The following KIAA1217 variants were observed in gnomAD, a reference collection of about 807,000 sequenced individuals.
KIAA1217 encodes the protein KIAA1217.
A neutral mutation model predicts 163.9 loss-of-function variants in KIAA1217; 88 were observed. That is an observed-to-expected ratio of 0.54 (90% CI 0.45 to 0.64). KIAA1217 has a LOEUF of 0.64. Among genes scored for constraint, KIAA1217 ranks in the 30% least tolerant of loss-of-function variants. The pLI is 0.00. For missense variants in KIAA1217, 2,372 were observed against 2,475.0 expected (o/e 0.96, Z 0.88); for synonymous variants, 903 against 923.1 (o/e 0.98, Z 0.39).
chr10:23,941,975 A>G (rs1175389920), intron 1 of KIAA1217, among the ~76,000 whole-genome samples: 1 of 146,458 alleles, frequency 6.8e-6, no homozygotes, highest in Non-Finnish European at 1.5e-5. Flanking sequence ...CCAATAATTC[A>G]ACTGCCTGCT....
At chr10:24,243,631 C>T (rs1258304909) in intron 2 of KIAA1217, among the ~76,000 whole-genome samples, 2 of 146,122 alleles carry the variant, frequency 1.4e-5, no homozygotes, top group East Asian at 4.1e-4. Flanking sequence ...AGAATATTCA[C>T]ATATATACAG....
At chr10:23,957,415 A>G (rs540644537) in intron 1 of KIAA1217, among the ~76,000 whole-genome samples, 1 of 152,096 alleles carries the variant, frequency 6.6e-6, no homozygotes, top group South Asian at 2.1e-4. Context: ...CTTAAATATT[A>G]TTTTCTCAAA....
chr10:24,100,186 A>C (rs910823691), intron 2 of KIAA1217, among the ~76,000 whole-genome samples: 1 of 151,366 alleles, frequency 6.6e-6, no homozygotes, highest in African/African-American at 2.4e-5. Flanking sequence ...CAAGGGTCTG[A>C]GGCTGCTATT....
Position 24,488,734 on chromosome 10 carries a change from G to T in KIAA1217, c.1680-5766G>T, listed in dbSNP as rs566102932. On this transcript the variant is annotated intron_variant, in intron 6 of 20. Transcript: ENST00000376454. ...TGAAAACAGTCTTTAATTACTTTGG[G>T]TTTTTTTTTCCTCATACCAGAGTCA... is the stretch of plus-strand genomic sequence containing the variant. Among the ~76,000 whole-genome samples the T allele has an allele frequency of 6.6e-5, 10 of 151,744 alleles. No homozygotes were observed. The East Asian group carries it at 1.9e-3, about 29-fold the overall frequency.
chr10:23,865,512 C>T (rs989928708), intron 1 of KIAA1217, among the ~76,000 whole-genome samples: 3 of 151,952 alleles, frequency 2.0e-5, no homozygotes, highest in South Asian at 4.1e-4. Flanking sequence ...TACTATTTTC[C>T]TGTCTGTCAT....
At chr10:24,214,737 C>A (rs950495143) in intron 1 of KIAA1217, among the ~76,000 whole-genome samples, 1 of 152,110 alleles carries the variant, frequency 6.6e-6, no homozygotes, top group Non-Finnish European at 1.5e-5. Context: ...CTTCTCAGCA[C>A]AATTGAGAAG....
intron 2 of KIAA1217, among the ~76,000 whole-genome samples, chr10:24,322,771 G>A (rs1590955192): frequency 6.6e-6 from 1 of 152,122 alleles, no homozygotes; most frequent in East Asian, 1.9e-4. Context: ...TCCTGAAGAT[G>A]GTGGACACCC....
Position 24,544,347 on chromosome 10 carries a change from T to C in KIAA1217, c.5077T>C (p.Cys1693Arg), listed in dbSNP as rs748006278. ...TCCCAAAGCCCTAGTTGATACCTCATGTTCTTCCAACAGAGATTCTGTTGC... is the reference window on the plus strand; with the variant it reads ...TCCCAAAGCCCTAGTTGATACCTCACGTTCTTCCAACAGAGATTCTGTTGC... ...MSPKALVDTS[C>R]SSNRDSVASS... Residue 1693 changes from cysteine (C) to arginine (R), a missense_variant, in exon 19 of 21, where the codon TGT becomes CGT. This residue lies in a region of KIAA1217 where 690 missense variants were observed against 677.5 expected (regional missense o/e 1.02). Coordinates refer to ENST00000376454, the MANE Select transcript of KIAA1217 (RefSeq NM_019590.5). 28 of 1,614,052 alleles carry C rather than the reference T, an allele frequency of 1.7e-5. No homozygotes were observed. Among genetic ancestry groups the C allele is most frequent in the Non-Finnish European group, 2.1e-5 (25 of 1,180,048 alleles).
chr10:24,430,630 T>C (rs2059528928), intron 3 of KIAA1217, among the ~76,000 whole-genome samples: 1 of 152,144 alleles, frequency 6.6e-6, no homozygotes, highest in South Asian at 2.1e-4. Context: ...CAGTCCCATC[T>C]GGAGGTGATG....
chr10:24,166,592 A>AATTGTTGGTAGGTAGTTAG (rs1460489650), intron 2 of KIAA1217, among the ~76,000 whole-genome samples: 2 of 152,084 alleles, frequency 1.3e-5, no homozygotes, highest in African/African-American at 4.8e-5. Flanking sequence ...ACAACAATTA[A>AATTGTTGGTAGGTAGTTAG]CTAGGCGTAA....
intron 1 of KIAA1217, among the ~76,000 whole-genome samples, chr10:23,838,536 C>T (rs1838604807): frequency 6.6e-6 from 1 of 152,050 alleles, no homozygotes; most frequent in South Asian, 2.1e-4. Flanking sequence ...TCTATGCTCA[C>T]TGCAACCTCC....
At chr10:24,416,156 C>T (rs1208138670) in intron 3 of KIAA1217, among the ~76,000 whole-genome samples, 8 of 152,172 alleles carry the variant, frequency 5.3e-5, no homozygotes, top group African/African-American at 1.2e-4. Flanking sequence ...GAACAAATAA[C>T]GACGTAATTA....
intron 3 of KIAA1217, among the ~76,000 whole-genome samples, chr10:24,429,974 C>T (rs1373340340): frequency 6.6e-6 from 1 of 152,058 alleles, no homozygotes; most frequent in Non-Finnish European, 1.5e-5. Context: ...AAAACCCCAT[C>T]ACTAAAAAAA....
chr10:24,326,060 A>G lies in KIAA1217; in HGVS notation c.355-54809A>G, dbSNP rs371161472. ...GCCTGGTTGGAGTGATGTTTCCATCACTCCAGGACCGTCTAAAAGAAAGCA... is the reference window on the plus strand; with the variant it reads ...GCCTGGTTGGAGTGATGTTTCCATCGCTCCAGGACCGTCTAAAAGAAAGCA... On this transcript the variant is annotated intron_variant, in intron 2 of 20. Coordinates refer to ENST00000376454, the MANE Select transcript of KIAA1217 (RefSeq NM_019590.5). Among the ~76,000 whole-genome samples, 339 of 152,180 alleles carry G rather than the reference A, an allele frequency of 2.2e-3. 4 individuals are homozygous for G. Among genetic ancestry groups the G allele is most frequent in the African/African-American group, 7.8e-3 (324 of 41,528 alleles).
intron 2 of KIAA1217, among the ~76,000 whole-genome samples, chr10:24,173,517 G>A (rs1422385567): frequency 2.0e-5 from 3 of 152,024 alleles, no homozygotes; most frequent in Non-Finnish European, 4.4e-5. Flanking sequence ...AAAAAGGTTG[G>A]GGACCTCTGC....
chr10:24,358,787 G>A (rs2049477849), intron 2 of KIAA1217, among the ~76,000 whole-genome samples: 1 of 152,162 alleles, frequency 6.6e-6, no homozygotes, highest in Non-Finnish European at 1.5e-5. Flanking sequence ...GCAATGGCAA[G>A]GTCATAGAAA....
chr10:24,209,394 AC>A, intron 1 of KIAA1217, 131 bp downstream of exon 1: 1 of 672,028 alleles, frequency 1.5e-6, no homozygotes, highest in South Asian at 1.9e-5. Context: ...TTGGGATGGT[AC>A]ATTTTCCAAA....
intron 1 of KIAA1217, among the ~76,000 whole-genome samples, chr10:23,873,416 T>C (rs1840550729): frequency 6.6e-6 from 1 of 152,040 alleles, no homozygotes; most frequent in Non-Finnish European, 1.5e-5. Context: ...GGACTACCTC[T>C]TCCATGAAAA....
chr10:24,047,944 G>A (rs920534421), intron 2 of KIAA1217, among the ~76,000 whole-genome samples: 11 of 152,302 alleles, frequency 7.2e-5, no homozygotes, highest in Non-Finnish European at 8.8e-5. Context: ...ATAATAAGGA[G>A]CAAGCTGATA....
Sources: allele counts gnomAD v4.1 joint callset (sites outside exome capture counted in the v4.1 genomes callset), GRCh38; gene constraint gnomAD v4.1.1; regional missense constraint gnomAD v4.1.1; transcripts MANE v1.5; gene names NCBI Gene and HGNC (gene_info 2026-07-23, HGNC 2026-07-21).